The following WNT2B variants were observed in gnomAD, a reference collection of about 807,000 sequenced individuals.
The protein encoded by WNT2B is Wnt family member 2B.
WNT2B carries 19 observed loss-of-function variants against 40.5 expected under a neutral mutation model. That is an observed-to-expected ratio of 0.47 (90% CI 0.33 to 0.69). The LOEUF is 0.69. Ranked by LOEUF, WNT2B falls within the 30% of genes least tolerant of loss-of-function variation. The pLI is 0.02. For missense variants in WNT2B, 467 were observed against 556.4 expected (o/e 0.84, Z 1.62); for synonymous variants, 220 against 211.9 (o/e 1.04, Z -0.33).
intron 1 of WNT2B, among the ~76,000 whole-genome samples, chr1:112,488,642 C>A (rs1426833770): frequency 1.3e-5 from 2 of 151,646 alleles, no homozygotes; most frequent in Non-Finnish European, 2.9e-5. Flanking sequence ...AGCTCCACCA[C>A]CCGGGTTCAC....
chr1:112,467,315 G>T, exon 1 of WNT2B: 1 of 509,844 alleles, frequency 2.0e-6, no homozygotes. Flanking sequence ...TATTTGGTGG[G>T]CCACTGGAAG....
chr1:112,490,657 T>C (rs1651572284), intron 1 of WNT2B, among the ~76,000 whole-genome samples: 1 of 151,884 alleles, frequency 6.6e-6, no homozygotes, highest in Admixed American at 6.6e-5. Flanking sequence ...ACCCGGCTAA[T>C]TTTTTGTATT....
intron 1 of WNT2B, among the ~76,000 whole-genome samples, chr1:112,481,297 T>C (rs772568251): frequency 2.0e-5 from 3 of 152,158 alleles, no homozygotes; most frequent in Admixed American, 6.6e-5. Flanking sequence ...ATACAACATA[T>C]TAGCTAAAGA....
At position 112,516,290 on chromosome 1, in the gene WNT2B, G is replaced by T; in HGVS notation, c.554G>T (p.Trp185Leu). 6.2e-7 allele frequency: 1 copy of T among 1,614,106 alleles called. No homozygotes were observed. Among genetic ancestry groups the T allele is most frequent in the Non-Finnish European group, 8.5e-7 (1 of 1,180,038 alleles). ...CATGACCAGCGTGGGGACTTTGACT[G>T]GGGTGGCTGCAGTGACAACATCCAC... ...RHHDQRGDFDWGGCSDNIHYG... is the reference protein window; with the variant it reads ...RHHDQRGDFDLGGCSDNIHYG... Residue 185 changes from tryptophan to leucine, a missense_variant, in exon 3 of 5, where the codon TGG (tryptophan) becomes TTG (leucine). Trp to Leu is a moderately conservative substitution (Grantham distance 61, BLOSUM62 -2). Around this residue, in one of 2 missense-constraint regions of WNT2B, gnomAD observed 330 missense variants for 438.6 expected, o/e 0.75. Coordinates refer to ENST00000369684, the MANE Select transcript of WNT2B (RefSeq NM_024494.3).
intron 1 of WNT2B, among the ~76,000 whole-genome samples, chr1:112,498,396 G>C (rs1165689532): frequency 6.6e-6 from 1 of 151,928 alleles, no homozygotes; most frequent in Admixed American, 6.6e-5. Flanking sequence ...TGGGATTACA[G>C]GCTAATTTTT....
Position 112,525,524 on chromosome 1 carries a change from G to GTTGT in WNT2B, c.*5015_*5016insTTGT. 1 of 153,308 alleles carries GTTGT rather than the reference G, an allele frequency of 6.5e-6. No homozygotes were observed. Among genetic ancestry groups the GTTGT allele is most frequent in the Non-Finnish European group, 1.5e-5 (1 of 68,812 alleles). 9.5% of individuals were successfully genotyped at this position (153,308 alleles called of 1,614,324 possible). ...TATATTATCTCTGAGCATCTCGGTG[G>GTTGT]CTATTCCTCATTTACTTAAGATGTT... On this transcript the variant is annotated 3_prime_UTR_variant, in exon 5 of 5. Coordinates refer to ENST00000369684, the MANE Select transcript of WNT2B (RefSeq NM_024494.3).
chr1:112,514,941 C>A lies in WNT2B; in HGVS notation c.250C>A (p.Gln84Lys), dbSNP rs777193510. The A allele has an allele frequency of 6.2e-7, 1 of 1,614,236 alleles. No individual in the cohort carries two copies. The highest frequency in any genetic ancestry group is 2.2e-5 in the East Asian group (1 of 44,884). ...CCCTGGTTTGGTGAGCCGGCAGCGG[C>A]AGCTGTGCCAGCGTTACCCAGACAT... ...NIPGLVSRQR[Q>K]LCQRYPDIMR... The change falls in exon 2 of 5, where the codon CAG becomes AAG. Residue 84 changes from glutamine (Q) to lysine (K), a missense_variant. Around this residue, in one of 2 missense-constraint regions of WNT2B, gnomAD observed 137 missense variants for 117.7 expected, o/e 1.16. Transcript: ENST00000369684.
chr1:112,491,689 C>A (rs1368881932), intron 1 of WNT2B, among the ~76,000 whole-genome samples: 2 of 152,034 alleles, frequency 1.3e-5, no homozygotes, highest in African/African-American at 4.8e-5. Context: ...GGTTCAAGAC[C>A]AACCTATTCA....
chr1:112,500,941 A>C (rs1239237028), intron 1 of WNT2B, among the ~76,000 whole-genome samples: 2 of 152,174 alleles, frequency 1.3e-5, no homozygotes, highest in African/African-American at 4.8e-5. Context: ...CTAATATATT[A>C]TTATTAATTA....
chr1:112,484,258 CAT>C (rs1296378064), intron 1 of WNT2B, among the ~76,000 whole-genome samples: 15,500 of 108,576 alleles, frequency 0.14, 1,284 homozygotes, highest in East Asian at 0.38. Context: ...TATATATACA[CAT>C]ATATATATAC....
In WNT2B at chr1:112,509,561, C is replaced by T. The variant is rs1652271306; in HGVS notation, c.182+117C>T. 2 of 1,167,430 alleles carry T rather than the reference C, an allele frequency of 1.7e-6. No individual in the cohort carries two copies. The highest frequency in any genetic ancestry group is 1.9e-5 in the South Asian group (1 of 51,818). 72.3% of individuals were successfully genotyped at this position (1,167,430 alleles called of 1,614,324 possible). On this transcript the variant is annotated intron_variant, in intron 1 of 4. Transcript: ENST00000369684. This position sits in a 1 kb window ranked among gnomAD's most constrained non-coding sequence, Gnocchi z 4.2. ...TTGCTTCGACGGGTTGGAGACGATT[C>T]GGGCAGGACTGTCACTGAAATCTGA... is the stretch of plus-strand genomic sequence containing the variant.
At chr1:112,474,254 T>C (rs994730111) in intron 1 of WNT2B, among the ~76,000 whole-genome samples, 2 of 151,766 alleles carry the variant, frequency 1.3e-5, no homozygotes, top group Non-Finnish European at 1.5e-5. Context: ...CAAGCGATTC[T>C]CCTGCCTCAG....
At position 112,520,365 on chromosome 1, in the gene WNT2B, C is replaced by T. The variant is rs762389931; in HGVS notation, c.1032C>T (p.Tyr344=). The stretch of plus-strand genomic sequence containing the variant: ...AAATCATGTGCTGTGGCCGAGGGTA[C>T]GACACAACTCGAGTCACCCGTGTTA... ...GCEIMCCGRG[Y]DTTRVTRVTQ... is the part of the protein sequence containing the mutation. The change falls in exon 5 of 5, where the codon TAC becomes TAT. Residue 344 remains tyrosine, a synonymous_variant. Transcript: ENST00000369684. The T allele has an allele frequency of 6.8e-6, 11 of 1,613,946 alleles. No homozygotes were observed. Among genetic ancestry groups the T allele is most frequent in the Middle Eastern group, 1.6e-4 (1 of 6,084 alleles).
At chr1:112,472,914 G>A (rs1287618079) in intron 1 of WNT2B, among the ~76,000 whole-genome samples, 3 of 141,800 alleles carry the variant, frequency 2.1e-5, no homozygotes, top group Non-Finnish European at 3.1e-5. Flanking sequence ...CGTGAGTTGT[G>A]ATCATGCCAC....
intron 1 of WNT2B, among the ~76,000 whole-genome samples, chr1:112,476,498 T>G (rs902724598): frequency 6.6e-6 from 1 of 151,054 alleles, no homozygotes; most frequent in Non-Finnish European, 1.5e-5. Flanking sequence ...AATGAAAAAC[T>G]TGCAGCAACC....
At chr1:112,517,922 A>G (rs558610509) in intron 4 of WNT2B, 1 of 155,572 alleles carries the variant, frequency 6.4e-6, no homozygotes, top group Admixed American at 6.2e-5. Flanking sequence ...GCAATTTCTT[A>G]TCAGAGAGTA....
chr1:112,490,643 C>T (rs1362508969), intron 1 of WNT2B, among the ~76,000 whole-genome samples: 1 of 152,006 alleles, frequency 6.6e-6, no homozygotes, highest in Non-Finnish European at 1.5e-5. Context: ...GCGCCCATCA[C>T]CACACCCGGC....
In WNT2B at chr1:112,525,150, C is replaced by T. The variant is rs1653202784; in HGVS notation, c.*4641C>T. ...TATGTGCTGAGAATGATGGAGCAGT[C>T]TCCTATGACTGCATGGGGTATAACT... On this transcript the variant is annotated 3_prime_UTR_variant, in exon 5 of 5. Coordinates refer to ENST00000369684, the MANE Select transcript of WNT2B (RefSeq NM_024494.3). 1 of 152,242 alleles carries T rather than the reference C, an allele frequency of 6.6e-6. No individual in the cohort carries two copies. The highest frequency in any genetic ancestry group is 1.5e-5 in the Non-Finnish European group (1 of 68,076). The allele number at this position is 152,242 out of a possible 1,614,324, so 9.4% of individuals were successfully genotyped here.
At chr1:112,484,163 T>TTA (rs1027816070) in intron 1 of WNT2B, among the ~76,000 whole-genome samples, 3 of 146,378 alleles carry the variant, frequency 2.0e-5, no homozygotes, top group African/African-American at 7.5e-5. Flanking sequence ...ATATAATAAA[T>TTA]TATATATATC....
Sources: allele counts gnomAD v4.1 joint callset (sites outside exome capture counted in the v4.1 genomes callset), GRCh38; gene constraint gnomAD v4.1.1; regional missense constraint gnomAD v4.1.1; non-coding constraint Gnocchi (gnomAD v3.1); transcripts MANE v1.5; gene names NCBI Gene and HGNC (gene_info 2026-07-23, HGNC 2026-07-21).